Variants in N4BP1 observed in about 807,000 individuals in gnomAD.
N4BP1 encodes NEDD4 binding protein 1.
N4BP1 carries 21 observed loss-of-function variants against 70.9 expected under a neutral mutation model. The observed-to-expected ratio is 0.30, with a 90% CI of 0.21 to 0.43. The LOEUF (loss-of-function observed/expected upper bound fraction) is 0.43, where lower values mean the gene tolerates loss of function less well. N4BP1 is among the 20% of genes least tolerant of loss of function. The pLI is 1.00. For synonymous variants in N4BP1, 387 were observed against 394.6 expected, an observed-to-expected ratio of 0.98 and a Z score of 0.23; for missense variants, 936 against 1,069.4, an observed-to-expected ratio of 0.88 and a Z score of 1.74.
intron 2 of N4BP1, 145 bp downstream of exon 2, chr16:48,560,609 G>T: frequency 9.8e-7 from 1 of 1,023,466 alleles, no homozygotes; most frequent in Non-Finnish European, 1.4e-6. Context: ...CCAACCAGTT[G>T]GTTCCCATTC....
rs1963453867 is a variant in N4BP1, at chr16:48,539,354, C to CA, written c.*3549_*3550insT. 6.6e-6 allele frequency: 1 copy of CA among 152,406 alleles called. No homozygotes were observed. Among genetic ancestry groups the CA allele is most frequent in the African/African-American group, 2.4e-5 (1 of 41,364 alleles). The allele number at this position is 152,406 out of a possible 1,614,324, so 9.4% of individuals were successfully genotyped here. On this transcript the variant is annotated 3_prime_UTR_variant, in exon 7 of 7. Coordinates refer to ENST00000262384, the MANE Select transcript of N4BP1 (RefSeq NM_153029.4). The stretch of plus-strand genomic sequence containing the variant: ...GTAGCGGGCAGGGGCCAGCAAAGCA[C>CA]GAGGGCAGAGCAGGGGACCATACGG...
Position 48,543,158 on chromosome 16 carries a change from T to C in N4BP1, c.2437A>G (p.Thr813Ala). ...CTTGAAGGGGCTCCCTGAATCCGGG[T>C]CGGAGGCTGGTGGCTGGTGCTGGCT... is the stretch of plus-strand genomic sequence containing the variant. ...QAASTSHQPPTRIQGAPSSHW... is the reference protein window; with the variant it reads ...QAASTSHQPPARIQGAPSSHW... Residue 813 changes from threonine (T) to alanine (A), a missense_variant, in exon 7 of 7, where the codon ACC (threonine) becomes GCC (alanine). Thr to Ala is a moderately conservative substitution (Grantham distance 58, BLOSUM62 0). Around this residue, in one of 4 missense-constraint regions of N4BP1, gnomAD observed 229 missense variants for 343.5 expected, o/e 0.67. Transcript: ENST00000262384. 6.2e-7 allele frequency: 1 copy of C among 1,602,812 alleles called. No individual in the cohort carries two copies. The highest frequency in any genetic ancestry group is 8.5e-7 in the Non-Finnish European group (1 of 1,171,566).
rs781388174 is a variant in N4BP1, at chr16:48,553,592, T to C, written c.1967A>G (p.Asn656Ser). 1 of 1,608,580 alleles carries C rather than the reference T, an allele frequency of 6.2e-7. No homozygotes were observed. Among genetic ancestry groups the C allele is most frequent in the Non-Finnish European group, 8.5e-7 (1 of 1,177,758 alleles). ...CCACTGAGGGACAAATACAGTGATG[T>C]TTCTGTTGCCAAGCTTCCAAAAATA... ...VEYFWKLGNR[N>S]ITVFVPQWRT... The change falls in exon 3 of 7, where the codon AAC becomes AGC. Residue 656 changes from asparagine to serine, a missense_variant. This residue lies in a region of N4BP1 where 229 missense variants were observed against 343.5 expected (regional missense o/e 0.67). Coordinates refer to ENST00000262384, the MANE Select transcript of N4BP1 (RefSeq NM_153029.4).
chr16:48,600,601 G>C (rs2151102270), intron 1 of N4BP1: 4 of 556,944 alleles, frequency 7.2e-6, no homozygotes, highest in South Asian at 2.8e-5. Flanking sequence ...AGTTGGAAGA[G>C]AAAACAGTAC....
Position 48,561,202 on chromosome 16 carries a change from A to G in N4BP1, c.1441T>C (p.Tyr481His). 3 of 1,614,002 alleles carry G rather than the reference A, an allele frequency of 1.9e-6. No homozygotes were observed. The highest frequency in any genetic ancestry group is 1.7e-6 in the Non-Finnish European group (2 of 1,179,876). Reference sequence around the variant, plus strand: ...GTTTCAGGGTCTGTGTTACAAATGTAGTTCTGGTTTGAACCCCAGACTTCA... The same window carrying G: ...GTTTCAGGGTCTGTGTTACAAATGTGGTTCTGGTTTGAACCCCAGACTTCA... Reference protein sequence around the residue: ...KHEVWGSNQNYICNTDPETDG... With the variant: ...KHEVWGSNQNHICNTDPETDG... The change falls in exon 2 of 7, where the codon TAC (tyrosine) becomes CAC (histidine). Residue 481 changes from tyrosine (Y) to histidine (H), a missense_variant. Transcript: ENST00000262384.
In N4BP1 at chr16:48,585,971, C is replaced by T. The variant is rs111318158; in HGVS notation, c.199-23527G>A. 2.4e-3 allele frequency among the ~76,000 whole-genome samples: 360 copies of T among 152,246 alleles called. 2 individuals are homozygous for T. Among genetic ancestry groups the T allele is most frequent in the African/African-American group, 8.2e-3 (340 of 41,546 alleles). The stretch of plus-strand genomic sequence containing the variant: ...TCGGCCTCCCAAAGTGCTGGGATTA[C>T]GGGTGTGAGCCACTGCGCCCGGCCA... On this transcript the variant is annotated intron_variant, in intron 1 of 6. Transcript: ENST00000262384.
chr16:48,560,092 A>C (rs1247625142), intron 2 of N4BP1, among the ~76,000 whole-genome samples: 1 of 131,530 alleles, frequency 7.6e-6, no homozygotes, highest in Non-Finnish European at 1.6e-5. Context: ...ACGATCTTAA[A>C]CTGCCCCTTA....
chr16:48,598,034 G>C (rs749286730), intron 1 of N4BP1, among the ~76,000 whole-genome samples: 2 of 152,116 alleles, frequency 1.3e-5, no homozygotes, highest in Non-Finnish European at 2.9e-5. Context: ...CCTGAGAAGG[G>C]GGACTACCCA....
chr16:48,576,425 G>A (rs1964094540), intron 1 of N4BP1, among the ~76,000 whole-genome samples: 1 of 152,142 alleles, frequency 6.6e-6, no homozygotes, highest in South Asian at 2.1e-4. Flanking sequence ...TGGTCATACT[G>A]AGTGTACTCC....
chr16:48,544,458 A>C (rs1260555243), intron 6 of N4BP1, among the ~76,000 whole-genome samples: 2 of 152,092 alleles, frequency 1.3e-5, no homozygotes, highest in African/African-American at 4.8e-5. Flanking sequence ...ACCCCCCATC[A>C]CACCCCCATG....
At chr16:48,593,565 T>C (rs954034064) in intron 1 of N4BP1, among the ~76,000 whole-genome samples, 3 of 152,230 alleles carry the variant, frequency 2.0e-5, no homozygotes, top group African/African-American at 7.2e-5. Context: ...TTCCATAAAT[T>C]GAACATTGGA....
chr16:48,591,335 T>C (rs983942875), intron 1 of N4BP1, among the ~76,000 whole-genome samples: 7 of 152,084 alleles, frequency 4.6e-5, no homozygotes, highest in African/African-American at 1.7e-4. Flanking sequence ...TTTCCTGTCT[T>C]GAATTTTTCT....
chr16:48,546,000 C>T (rs1963586006), intron 6 of N4BP1, 147 bp downstream of exon 6: 2 of 508,590 alleles, frequency 3.9e-6, no homozygotes, highest in Non-Finnish European at 6.8e-6. Flanking sequence ...TGCATTCCAG[C>T]CTCGGTGACA....
chr16:48,571,382 A>C (rs901272334), intron 1 of N4BP1, among the ~76,000 whole-genome samples: 3 of 152,206 alleles, frequency 2.0e-5, no homozygotes, highest in African/African-American at 7.2e-5. Context: ...AGCCCACCTA[A>C]TGACAGATTC....
intron 1 of N4BP1, chr16:48,600,316 C>T (rs1179697774): frequency 7.4e-6 from 8 of 1,083,546 alleles, no homozygotes; most frequent in Non-Finnish European, 1.1e-5. Flanking sequence ...GTTAGGTGGA[C>T]CAAAGCATTC....
chr16:48,594,452 T>C (rs1053701101), intron 1 of N4BP1, among the ~76,000 whole-genome samples: 40 of 152,188 alleles, frequency 2.6e-4, no homozygotes, highest in African/African-American at 9.4e-4. Context: ...CCTCATGAGT[T>C]CAAGCAAGTC....
chr16:48,542,297 G>A lies in N4BP1; in HGVS notation c.*607C>T, dbSNP rs1479843945. On this transcript the variant is annotated 3_prime_UTR_variant, in exon 7 of 7. Coordinates refer to ENST00000262384, the MANE Select transcript of N4BP1 (RefSeq NM_153029.4). ...CCTGGTATTCTGTGAGACTAACTTC[G>A]CCCTGGTCATTCACCATGGCTAGGC... 2.6e-5 allele frequency: 4 copies of A among 152,578 alleles called. No homozygotes were observed. Among genetic ancestry groups the A allele is most frequent in the African/African-American group, 4.8e-5 (2 of 41,440 alleles). 9.5% of individuals were successfully genotyped at this position (152,578 alleles called of 1,614,324 possible).
chr16:48,542,841 A>T lies in N4BP1; in HGVS notation c.*63T>A. ...CACATTATGTTCATTCCCATCAGGT[A>T]CAGGTGTGAGCTTGAGTTTGATCAG... On this transcript the variant is annotated 3_prime_UTR_variant, in exon 7 of 7. Transcript: ENST00000262384. The T allele has an allele frequency of 7.4e-7, 1 of 1,353,600 alleles. No individual in the cohort carries two copies. The highest frequency in any genetic ancestry group is 1.0e-6 in the Non-Finnish European group (1 of 976,584). The allele number at this position is 1,353,600 out of a possible 1,614,324, so 83.8% of individuals were successfully genotyped here. A position where few individuals can be genotyped will look rare whatever the true frequency, so the allele number is the denominator to read the frequency against.
At chr16:48,564,443 A>G (rs1295335364) in intron 1 of N4BP1, among the ~76,000 whole-genome samples, 3 of 152,148 alleles carry the variant, frequency 2.0e-5, no homozygotes, top group Non-Finnish European at 2.9e-5. Context: ...TCACTACTGA[A>G]TTGCACTTTT....
Sources: gnomAD v4.1 joint callset for allele counts (sites outside exome capture counted in the v4.1 genomes callset) on GRCh38, gnomAD v4.1.1 for gene constraint, gnomAD v4.1.1 regional missense constraint, MANE v1.5 for transcripts, NCBI Gene and HGNC (gene_info 2026-07-23, HGNC 2026-07-21) for gene names.